The following ACOT7 variants were observed in gnomAD, a reference collection of about 807,000 sequenced individuals.
The protein encoded by ACOT7 is cytosolic acyl coenzyme A thioester hydrolase.
Under a neutral mutation model 40.2 loss-of-function variants are expected in ACOT7, and 12 were observed. The observed-to-expected ratio is 0.30, with a 90% CI of 0.19 to 0.48. The LOEUF (loss-of-function observed/expected upper bound fraction) is 0.48, where lower values mean the gene tolerates loss of function less well. ACOT7 is among the 20% of genes least tolerant of loss of function. The pLI, the probability that ACOT7 is intolerant of heterozygous loss-of-function variation, is 0.99. For synonymous variants in ACOT7, 228 were observed against 219.5 expected, an observed-to-expected ratio of 1.04 and a Z score of -0.34; for missense variants, 395 against 530.8, an observed-to-expected ratio of 0.74 and a Z score of 2.51.
chr1:6,365,283 C>T (rs766992544), intron 1 of ACOT7, among the ~76,000 whole-genome samples: 99 of 152,212 alleles, frequency 6.5e-4, no homozygotes, highest in Admixed American at 1.6e-3. Context: ...GTGAAGGCTT[C>T]ACAGGCTCAC....
chr1:6,264,459 C>T lies in ACOT7; in HGVS notation c.*138G>A, dbSNP rs1638753986. 4 of 701,430 alleles carry T rather than the reference C, an allele frequency of 5.7e-6. No homozygotes were observed. The highest frequency in any genetic ancestry group is 5.4e-5 in the Admixed American group (2 of 36,802). 43.5% of individuals were successfully genotyped at this position (701,430 alleles called of 1,614,324 possible). A position where few individuals can be genotyped will look rare whatever the true frequency, so the allele number is the denominator to read the frequency against. The stretch of plus-strand genomic sequence containing the variant: ...GTTTGCAGGAGAGAGTACAGGTTAA[C>T]ACTGTGATACGAAAACTTCAGACAA... On this transcript the variant is annotated 3_prime_UTR_variant, in exon 9 of 9. Coordinates refer to ENST00000361521, the MANE Select transcript of ACOT7 (RefSeq NM_007274.4).
rs1641156780 is a variant in ACOT7 at position 6,338,038 on chromosome 1, A to G, written c.418+1395T>C. 6.7e-6 allele frequency among the ~76,000 whole-genome samples: 1 copy of G among 150,130 alleles called. No homozygotes were observed. Among genetic ancestry groups the G allele is most frequent in the Non-Finnish European group, 1.5e-5 (1 of 67,742 alleles). ...AAAAAAAAAAAGAAACCTGCTCTTC[A>G]GGGCTTCCTCTGAGGCTATGGCCTC... On this transcript the variant is annotated intron_variant, in intron 3 of 8. Coordinates refer to ENST00000361521, the MANE Select transcript of ACOT7 (RefSeq NM_007274.4). This position sits in a 1 kb window ranked among gnomAD's most constrained non-coding sequence, Gnocchi z 4.4.
chr1:6,304,438 G>C, intron 6 of ACOT7, among the ~76,000 whole-genome samples: 1 of 130,094 alleles, frequency 7.7e-6, no homozygotes, highest in African/African-American at 3.0e-5. Flanking sequence ...GGTGTTTCTC[G>C]CAGAGGGGGA....
chr1:6,296,459 T>C (rs1639814641), intron 6 of ACOT7, among the ~76,000 whole-genome samples: 1 of 151,622 alleles, frequency 6.6e-6, no homozygotes, highest in Admixed American at 6.6e-5. Context: ...AGTCTCGCAC[T>C]GTCGCCCAGG....
At position 6,294,952 on chromosome 1, in the gene ACOT7, G is replaced by T; in HGVS notation, c.741C>A (p.Val247=). The change falls in exon 7 of 9, where the codon GTC becomes GTA. Residue 247 remains valine, a synonymous_variant. Transcript: ENST00000361521. The surrounding 1 kb of genome is among the most constrained non-coding windows in gnomAD (Gnocchi z 4.6). ...GGVTMKLMDE[V]AGIVAARHCK... ...AGTGGCGTGCAGCCACGATCCCGGC[G>T]ACCTCATCCATGAGCTTCATGGTCA... 6.2e-7 allele frequency: 1 copy of T among 1,613,978 alleles called. No homozygotes were observed. The highest frequency in any genetic ancestry group is 8.5e-7 in the Non-Finnish European group (1 of 1,179,948).
rs1639757700 is a variant in ACOT7 at position 6,294,473 on chromosome 1, T to C, written c.829+391A>G. The stretch of plus-strand genomic sequence containing the variant: ...GGGGCTCCTGCGGGCTTTTCTGTAC[T>C]GACCCTGCCACTGCCTAAATCATGA... On this transcript the variant is annotated intron_variant, in intron 7 of 8. Coordinates refer to ENST00000361521, the MANE Select transcript of ACOT7 (RefSeq NM_007274.4). The surrounding 1 kb of genome is among the most constrained non-coding windows in gnomAD (Gnocchi z 4.6). 6.6e-6 allele frequency among the ~76,000 whole-genome samples: 1 copy of C among 152,246 alleles called. No individual in the cohort carries two copies. The highest frequency in any genetic ancestry group is 2.4e-5 in the African/African-American group (1 of 41,464).
chr1:6,361,486 G>A (rs570634933), intron 1 of ACOT7, among the ~76,000 whole-genome samples: 107 of 152,224 alleles, frequency 7.0e-4, no homozygotes, highest in Non-Finnish European at 1.1e-3. Context: ...TAGAGTTATA[G>A]CTCAGGAAAG....
rs766432327 is a variant in ACOT7 at position 6,338,294 on chromosome 1, A to G, written c.418+1139T>C. ...GAGAAGAGCTGCGATCTCACAGGAG[A>G]TGGCAGGGAACCCCCAAGGCCCCTA... On this transcript the variant is annotated intron_variant, in intron 3 of 8. Transcript: ENST00000361521. The surrounding 1 kb of genome is among the most constrained non-coding windows in gnomAD (Gnocchi z 4.4). Among the ~76,000 whole-genome samples, 4 of 152,166 alleles carry G rather than the reference A, an allele frequency of 2.6e-5. No individual in the cohort carries two copies. The highest frequency in any genetic ancestry group is 5.9e-5 in the Non-Finnish European group (4 of 68,014).
chr1:6,287,542 G>A (rs915057461), intron 7 of ACOT7, among the ~76,000 whole-genome samples: 3 of 152,184 alleles, frequency 2.0e-5, no homozygotes, highest in African/African-American at 7.2e-5. Context: ...TAAACGTATC[G>A]GTGCCTGTAG....
At position 6,358,086 on chromosome 1, in the gene ACOT7, C is replaced by G. The variant is rs558461124; in HGVS notation, c.144-8220G>C. Among the ~76,000 whole-genome samples the G allele has an allele frequency of 6.6e-6, 1 of 152,010 alleles. No homozygotes were observed. Among genetic ancestry groups the G allele is most frequent in the Non-Finnish European group, 1.5e-5 (1 of 68,020 alleles). On this transcript the variant is annotated intron_variant, in intron 1 of 8. Coordinates refer to ENST00000361521, the MANE Select transcript of ACOT7 (RefSeq NM_007274.4). This position sits in a 1 kb window ranked among gnomAD's most constrained non-coding sequence, Gnocchi z 4.1. ...GTTTCACCATGTTGGCCAGGCTGGT[C>G]TCAAACTCCTGACCTCAGTTGATCC...
At chr1:6,266,542 G>A (rs776764240) in intron 8 of ACOT7, among the ~76,000 whole-genome samples, 14 of 152,268 alleles carry the variant, frequency 9.2e-5, no homozygotes, top group Non-Finnish European at 1.5e-4. Context: ...ACAACGCTGT[G>A]GCCCGCGGAC....
intron 1 of ACOT7, among the ~76,000 whole-genome samples, chr1:6,374,065 T>G (rs1021476103): frequency 2.6e-5 from 4 of 152,312 alleles, no homozygotes; most frequent in African/African-American, 9.6e-5. Flanking sequence ...GCAAATGCAT[T>G]GGGCTTGTTT....
rs1339291009 is a variant in ACOT7 at position 6,352,439 on chromosome 1, TC to T, written c.144-2574del. On this transcript the variant is annotated intron_variant, in intron 1 of 8. Transcript: ENST00000361521. This position sits in a 1 kb window ranked among gnomAD's most constrained non-coding sequence, Gnocchi z 4.5. Reference sequence around the variant, plus strand: ...CCTCCAGGACCCATAAACAGCTCTGTCACTCTCTCAGGCCCCGCCCCATGGC... The same window carrying T: ...CCTCCAGGACCCATAAACAGCTCTGTACTCTCTCAGGCCCCGCCCCATGGC... Among the ~76,000 whole-genome samples, 1 of 152,146 alleles carries T rather than the reference TC, an allele frequency of 6.6e-6. No individual in the cohort carries two copies. The highest frequency in any genetic ancestry group is 1.5e-5 in the Non-Finnish European group (1 of 68,004).
At chr1:6,332,796 G>A (rs1272980722) in intron 4 of ACOT7, among the ~76,000 whole-genome samples, 2 of 151,660 alleles carry the variant, frequency 1.3e-5, no homozygotes, top group South Asian at 2.1e-4. Flanking sequence ...ACTCCAGCCT[G>A]GGCAACAGAG....
chr1:6,329,789 T>C (rs1184330376), intron 4 of ACOT7, among the ~76,000 whole-genome samples: 4 of 151,306 alleles, frequency 2.6e-5, no homozygotes, highest in African/African-American at 9.7e-5. Context: ...ACCTCTTCGC[T>C]AGAGCACATA....
chr1:6,300,873 C>T (rs1460756015), intron 6 of ACOT7, among the ~76,000 whole-genome samples: 4 of 152,164 alleles, frequency 2.6e-5, no homozygotes, highest in Non-Finnish European at 5.9e-5. Flanking sequence ...GGACAACACC[C>T]GATGAGGCAG....
intron 6 of ACOT7, among the ~76,000 whole-genome samples, chr1:6,298,433 G>A (rs1639873968): frequency 1.3e-5 from 2 of 152,138 alleles, no homozygotes; most frequent in African/African-American, 2.4e-5. Context: ...CTGCGCCCAG[G>A]TGCATCTCCA....
At position 6,306,702 on chromosome 1, in the gene ACOT7, C is replaced by T; in HGVS notation, c.713-11722G>A. The T allele has an allele frequency of 2.0e-6, 2 of 985,424 alleles. No homozygotes were observed. Among genetic ancestry groups the T allele is most frequent in the Non-Finnish European group, 2.4e-6 (2 of 829,938 alleles). The allele number at this position is 985,424 out of a possible 1,614,324, so 61.0% of individuals were successfully genotyped here. Reference sequence around the variant, plus strand: ...TGTTCACCTCTTGATCCCCCTAGACCAGAAGTTCCTCAAGAGTAGGGAACA... The same window carrying T: ...TGTTCACCTCTTGATCCCCCTAGACTAGAAGTTCCTCAAGAGTAGGGAACA... On this transcript the variant is annotated intron_variant, in intron 6 of 8. Coordinates refer to ENST00000361521, the MANE Select transcript of ACOT7 (RefSeq NM_007274.4). The surrounding 1 kb of genome is among the most constrained non-coding windows in gnomAD (Gnocchi z 4.3).
At position 6,358,547 on chromosome 1, in the gene ACOT7, G is replaced by T. The variant is rs1483934464; in HGVS notation, c.144-8681C>A. Among the ~76,000 whole-genome samples, 1 of 152,234 alleles carries T rather than the reference G, an allele frequency of 6.6e-6. No homozygotes were observed. Among genetic ancestry groups the T allele is most frequent in the East Asian group, 1.9e-4 (1 of 5,194 alleles). On this transcript the variant is annotated intron_variant, in intron 1 of 8. Coordinates refer to ENST00000361521, the MANE Select transcript of ACOT7 (RefSeq NM_007274.4). The surrounding 1 kb of genome is among the most constrained non-coding windows in gnomAD (Gnocchi z 4.1). ...AAAACCAGGTGCCTTCCTCCCTGGG[G>T]ACTAGAGCAGGCAGGGGAGTGCCCT... is the stretch of plus-strand genomic sequence containing the variant.
Sources: allele counts gnomAD v4.1 joint callset (sites outside exome capture counted in the v4.1 genomes callset), GRCh38; gene constraint gnomAD v4.1.1; non-coding constraint Gnocchi (gnomAD v3.1); transcripts MANE v1.5; gene names NCBI Gene and HGNC (gene_info 2026-07-23, HGNC 2026-07-21).